Variants in STIM1 observed in about 807,000 individuals in gnomAD.
STIM1 encodes stromal interaction molecule 1.
STIM1 carries 25 observed loss-of-function variants against 74.7 expected under a neutral mutation model. The ratio of observed to expected loss-of-function variants is 0.33; its 90% CI spans 0.24 to 0.47. The LOEUF (loss-of-function observed/expected upper bound fraction) is 0.47, where lower values mean the gene tolerates loss of function less well. Among genes scored for constraint, STIM1 ranks in the 20% least tolerant of loss-of-function variants. The probability of loss-of-function intolerance (pLI) is 1.00; values close to 1 mark genes in which losing one functional copy is unlikely to be tolerated. For synonymous variants in STIM1, 328 were observed against 348.8 expected, an observed-to-expected ratio of 0.94 and a Z score of 0.66; for missense variants, 728 against 920.8, an observed-to-expected ratio of 0.79 and a Z score of 2.71.
In STIM1 at chr11:3,856,091, C is replaced by A; in HGVS notation, c.-180C>A. ...GAGGAGCCAGCCCTCCTCCCGCACC[C>A]AAACTTGGAGCACTTGACCTTTGGC... On this transcript the variant is annotated 5_prime_UTR_variant, in exon 1 of 13. Coordinates refer to ENST00000526596, the MANE Select transcript of STIM1 (RefSeq NM_001382567.1). The A allele has an allele frequency of 1.3e-6, 1 of 743,386 alleles. No individual in the cohort carries two copies. Among genetic ancestry groups the A allele is most frequent in the South Asian group, 1.7e-5 (1 of 59,510 alleles). The allele number at this position is 743,386 out of a possible 1,614,324, so 46.0% of individuals were successfully genotyped here.
At chr11:3,975,632 G>A (rs2093440144) in intron 2 of STIM1, among the ~76,000 whole-genome samples, 1 of 151,312 alleles carries the variant, frequency 6.6e-6, no homozygotes, top group Non-Finnish European at 1.5e-5. Flanking sequence ...AAAAGAAGAA[G>A]AAGAAGGAAG....
intron 2 of STIM1, among the ~76,000 whole-genome samples, chr11:3,979,699 A>C (rs2923954): frequency 1.3e-5 from 2 of 152,108 alleles, no homozygotes; most frequent in African/African-American, 4.8e-5. Context: ...TCAGCCTCCC[A>C]AGTTGCCGGG....
At chr11:4,047,588 C>A (rs1325682567) in intron 3 of STIM1, among the ~76,000 whole-genome samples, 1 of 152,134 alleles carries the variant, frequency 6.6e-6, no homozygotes, top group Non-Finnish European at 1.5e-5. Context: ...TGCACCCCAG[C>A]CTGGGTGGCA....
chr11:3,916,317 C>T (rs1483488111), intron 1 of STIM1, among the ~76,000 whole-genome samples: 9 of 151,854 alleles, frequency 5.9e-5, no homozygotes, highest in South Asian at 4.2e-4. Flanking sequence ...GACAGAGTCT[C>T]GCTTTGTTGC....
chr11:3,895,775 C>T lies in STIM1; in HGVS notation c.139+39366C>T, dbSNP rs1048582560. Among the ~76,000 whole-genome samples, 19 of 84,216 alleles carry T rather than the reference C, an allele frequency of 2.3e-4. 2 individuals are homozygous for T. The highest frequency in any genetic ancestry group is 6.6e-4 in the Admixed American group (5 of 7,600). The allele number at this position is 84,216 out of a possible 152,430, so 55.2% of individuals were successfully genotyped here. On this transcript the variant is annotated intron_variant, in intron 1 of 12. Coordinates refer to ENST00000526596, the MANE Select transcript of STIM1 (RefSeq NM_001382567.1). Reference sequence around the variant, plus strand: ...TCCTTCCTTCCTTCCTTCCTTCCTTCCTTCCTTCCTTCCTTCCTTCCTTCC... The same window carrying T: ...TCCTTCCTTCCTTCCTTCCTTCCTTTCTTCCTTCCTTCCTTCCTTCCTTCC...
intron 1 of STIM1, among the ~76,000 whole-genome samples, chr11:3,923,875 A>G (rs1330680855): frequency 6.6e-6 from 1 of 152,172 alleles, no homozygotes; most frequent in Non-Finnish European, 1.5e-5. Context: ...AACTTCTGCT[A>G]AGAAAAACCC....
At chr11:3,909,592 A>C (rs771773411) in intron 1 of STIM1, among the ~76,000 whole-genome samples, 20 of 152,176 alleles carry the variant, frequency 1.3e-4, no homozygotes, top group Non-Finnish European at 2.6e-4. Context: ...TGAGAGGCTG[A>C]GGCGGGCGGA....
chr11:4,090,433 G>C (rs1049538898), intron 12 of STIM1, among the ~76,000 whole-genome samples: 2 of 152,094 alleles, frequency 1.3e-5, no homozygotes, highest in Non-Finnish European at 2.9e-5. Context: ...CCTTCCTGCC[G>C]CACCACAGAC....
Position 4,091,673 on chromosome 11 carries a change from C to T in STIM1, c.2026C>T (p.Pro676Ser), listed in dbSNP as rs1164327463. Residue 676 changes from proline (P) to serine (S), a missense_variant, in exon 13 of 13, where the codon CCC becomes TCC. Physicochemically the swap from Pro to Ser is moderately conservative, Grantham distance 74. Transcript: ENST00000526596. ...GCAAGCCAGCCGAAACACACGCATT[C>T]CCCACCTGGCTGGCAAGAAGGCTGT... ...ALQASRNTRI[P>S]HLAGKKAVAE... is the part of the protein sequence containing the mutation. 1 of 1,614,238 alleles carries T rather than the reference C, an allele frequency of 6.2e-7. No homozygotes were observed. The highest frequency in any genetic ancestry group is 2.2e-5 in the East Asian group (1 of 44,882).
intron 2 of STIM1, among the ~76,000 whole-genome samples, chr11:4,005,473 C>T (rs969140892): frequency 1.1e-4 from 16 of 150,912 alleles, no homozygotes; most frequent in Non-Finnish European, 1.9e-4. Flanking sequence ...AGTAAACTAT[C>T]GCAAGGACAA....
At chr11:4,067,066 C>A (rs564517899) in intron 5 of STIM1, among the ~76,000 whole-genome samples, 60 of 152,340 alleles carry the variant, frequency 3.9e-4, no homozygotes, top group Admixed American at 5.9e-4. Context: ...TAATTATCTC[C>A]TGGCATGTCC....
intron 2 of STIM1, among the ~76,000 whole-genome samples, chr11:3,968,442 C>A (rs1217583266): frequency 1.3e-5 from 2 of 152,170 alleles, no homozygotes; most frequent in African/African-American, 4.8e-5. Flanking sequence ...TCTCTCTTTC[C>A]TGCCAGCCTA....
chr11:3,932,174 C>T (rs2135563953), intron 1 of STIM1, among the ~76,000 whole-genome samples: 1 of 152,284 alleles, frequency 6.6e-6, no homozygotes, highest in African/African-American at 2.4e-5. Context: ...CCACTGGACT[C>T]TCTTCCGTGT....
intron 1 of STIM1, among the ~76,000 whole-genome samples, chr11:3,958,831 G>A (rs906964123): frequency 5.3e-5 from 8 of 151,870 alleles, no homozygotes; most frequent in Non-Finnish European, 7.4e-5. Flanking sequence ...TTAGCCAGGC[G>A]TGGCAGTGGA....
chr11:3,912,378 T>G (rs926855047), intron 1 of STIM1, among the ~76,000 whole-genome samples: 6 of 151,506 alleles, frequency 4.0e-5, no homozygotes, highest in Admixed American at 4.0e-4. Flanking sequence ...TAAATTTTTT[T>G]TTTTGAGACG....
chr11:3,924,423 C>T (rs984603458), intron 1 of STIM1, among the ~76,000 whole-genome samples: 13 of 152,034 alleles, frequency 8.6e-5, no homozygotes, highest in Non-Finnish European at 1.8e-4. Flanking sequence ...TGGTCTCGAT[C>T]TCCTGACCTC....
rs1169600270 is a variant in STIM1 at position 4,013,690 on chromosome 11, C to CTTTTTTTTTTTTTT, written c.271-10164_271-10151dup. Among the ~76,000 whole-genome samples, 11 of 51,926 alleles carry CTTTTTTTTTTTTTT rather than the reference C, an allele frequency of 2.1e-4. 2 individuals carry two copies. The highest frequency in any genetic ancestry group is 1.1e-3 in the East Asian group (2 of 1,744). The allele number at this position is 51,926 out of a possible 152,430, so 34.1% of individuals were successfully genotyped here. ...AACCAGCTCCTGGATTCATTGATTT[C>CTTTTTTTTTTTTTT]TTTTTTTTTTTTTTTTTTTTTTTTT... On this transcript the variant is annotated intron_variant, in intron 2 of 12. Transcript: ENST00000526596.
At chr11:4,080,536 G>A (rs1486149839) in intron 7 of STIM1, among the ~76,000 whole-genome samples, 1 of 140,194 alleles carries the variant, frequency 7.1e-6, no homozygotes, top group Admixed American at 7.7e-5. Context: ...GCACGATCTT[G>A]GCTCACTGCA....
At chr11:4,019,106 T>C (rs1475575666) in intron 2 of STIM1, 1 of 173,012 alleles carries the variant, frequency 5.8e-6, no homozygotes, top group Non-Finnish European at 1.3e-5. Flanking sequence ...TAGGTTTCAT[T>C]AAATTGGACT....
Sources: allele counts gnomAD v4.1 joint callset (sites outside exome capture counted in the v4.1 genomes callset), GRCh38; gene constraint gnomAD v4.1.1; transcripts MANE v1.5; gene names NCBI Gene and HGNC (gene_info 2026-07-23, HGNC 2026-07-21).